The following NRXN3 variants were observed in gnomAD, a reference collection of about 807,000 sequenced individuals.
NRXN3 encodes neurexin III.
NRXN3 carries 32 observed loss-of-function variants against 137.6 expected under a neutral mutation model. The observed-to-expected ratio is 0.23, with a 90% CI of 0.18 to 0.31. The LOEUF (loss-of-function observed/expected upper bound fraction) is 0.31, where lower values mean the gene tolerates loss of function less well. Ranked by LOEUF, NRXN3 falls within the 10% of genes least tolerant of loss-of-function variation. The pLI, the probability that NRXN3 is intolerant of heterozygous loss-of-function variation, is 1.00. For synonymous variants in NRXN3, 798 were observed against 784.5 expected (o/e 1.02, Z -0.29); for missense variants, 1,574 against 2,062.5 (o/e 0.76, Z 4.59).
chr14:79,788,372 T>G (rs1009507840), intron 19 of NRXN3, among the ~76,000 whole-genome samples: 2 of 152,176 alleles, frequency 1.3e-5, no homozygotes, highest in Non-Finnish European at 2.9e-5. Context: ...ATTTCCTGAG[T>G]ACCTGCTATC....
intron 15 of NRXN3, among the ~76,000 whole-genome samples, chr14:79,141,932 C>A (rs1328163311): frequency 1.3e-5 from 2 of 152,164 alleles, no homozygotes; most frequent in African/African-American, 4.8e-5. Context: ...TCACTCTTGA[C>A]TTAATTTTCA....
chr14:78,280,449 T>C (rs1248761605), intron 3 of NRXN3, among the ~76,000 whole-genome samples: 1 of 152,140 alleles, frequency 6.6e-6, no homozygotes, highest in African/African-American at 2.4e-5. Flanking sequence ...TCTGATAAGA[T>C]GATATTTGCT....
intron 15 of NRXN3, among the ~76,000 whole-genome samples, chr14:79,223,037 C>T (rs930675087): frequency 6.6e-6 from 1 of 152,090 alleles, no homozygotes; most frequent in Non-Finnish European, 1.5e-5. Flanking sequence ...ATAACCAAAG[C>T]CTTAGTAATC....
At chr14:79,011,942 T>G (rs1421550642) in intron 15 of NRXN3, among the ~76,000 whole-genome samples, 5 of 152,220 alleles carry the variant, frequency 3.3e-5, no homozygotes, top group African/African-American at 1.2e-4. Context: ...TCAATAAAAC[T>G]GATCAGTCAT....
intron 15 of NRXN3, among the ~76,000 whole-genome samples, chr14:79,299,572 G>A (rs559759770): frequency 1.3e-5 from 2 of 152,152 alleles, no homozygotes; most frequent in East Asian, 1.9e-4. Flanking sequence ...TCAGCTTCCT[G>A]TTATGAAAAT....
At chr14:78,751,321 C>T (rs1367144480) in intron 8 of NRXN3, among the ~76,000 whole-genome samples, 1 of 152,194 alleles carries the variant, frequency 6.6e-6, no homozygotes, top group African/African-American at 2.4e-5. Context: ...ATATGTTTTA[C>T]ATGGGGATAA....
At chr14:79,828,937 T>C (rs765771061) in intron 20 of NRXN3, among the ~76,000 whole-genome samples, 6 of 152,160 alleles carry the variant, frequency 3.9e-5, no homozygotes, top group Non-Finnish European at 5.9e-5. Context: ...GGAGATACAA[T>C]GGTGGAGAGG....
At chr14:79,367,962 T>C (rs1242932758) in intron 15 of NRXN3, among the ~76,000 whole-genome samples, 3 of 152,302 alleles carry the variant, frequency 2.0e-5, no homozygotes, top group African/African-American at 7.2e-5. Context: ...GGATATACTA[T>C]AACCAAAGAT....
At chr14:78,902,498 T>A (rs2099199890) in intron 10 of NRXN3, among the ~76,000 whole-genome samples, 1 of 151,810 alleles carries the variant, frequency 6.6e-6, no homozygotes, top group South Asian at 2.1e-4. Flanking sequence ...AGTAGTAGAG[T>A]GCTTGAGGAG....
intron 14 of NRXN3, among the ~76,000 whole-genome samples, chr14:78,981,529 T>A (rs2099489438): frequency 6.6e-6 from 1 of 152,236 alleles, no homozygotes; most frequent in Non-Finnish European, 1.5e-5. Context: ...AATCAACATT[T>A]TAAAAATTAC....
At chr14:79,547,177 C>A (rs1437714328) in intron 16 of NRXN3, among the ~76,000 whole-genome samples, 1 of 152,074 alleles carries the variant, frequency 6.6e-6, no homozygotes, top group African/African-American at 2.4e-5. Flanking sequence ...AATTAAATAA[C>A]CTTTAATTTC....
chr14:79,014,685 T>C (rs2099576351), intron 15 of NRXN3, among the ~76,000 whole-genome samples: 2 of 152,156 alleles, frequency 1.3e-5, no homozygotes, highest in South Asian at 4.1e-4. Flanking sequence ...GCCACAACCA[T>C]TGGTGGGGAG....
chr14:79,785,324 G>T (rs539686943), intron 19 of NRXN3, among the ~76,000 whole-genome samples: 1 of 152,040 alleles, frequency 6.6e-6, no homozygotes, highest in Non-Finnish European at 1.5e-5. Context: ...CCTCCTCTCG[G>T]TCCTCTTTGC....
At chr14:78,546,361 C>T (rs2152137385) in intron 4 of NRXN3, among the ~76,000 whole-genome samples, 1 of 152,310 alleles carries the variant, frequency 6.6e-6, no homozygotes, top group Admixed American at 6.5e-5. Flanking sequence ...TAGCTGAGCA[C>T]TTCTGTAAAT....
chr14:79,398,949 C>T (rs1235710337), intron 15 of NRXN3, among the ~76,000 whole-genome samples: 1 of 132,824 alleles, frequency 7.5e-6, no homozygotes, highest in Non-Finnish European at 1.5e-5. Flanking sequence ...AGTGGAGTTG[C>T]AGTGAGCCAA....
chr14:78,804,805 T>C (rs967312781), intron 9 of NRXN3, among the ~76,000 whole-genome samples: 1 of 152,214 alleles, frequency 6.6e-6, no homozygotes, highest in African/African-American at 2.4e-5. Flanking sequence ...TTCTGCTGTT[T>C]CTAATCAGCA....
At chr14:79,781,540 C>A (rs1603486390) in intron 19 of NRXN3, among the ~76,000 whole-genome samples, 1 of 152,194 alleles carries the variant, frequency 6.6e-6, no homozygotes. Context: ...TTCTCTGGGC[C>A]TCAGGCTTCC....
chr14:78,218,069 G>A (rs1256842927), intron 1 of NRXN3, among the ~76,000 whole-genome samples: 1 of 152,136 alleles, frequency 6.6e-6, no homozygotes, highest in African/African-American at 2.4e-5. Flanking sequence ...ATATATGTAT[G>A]TGTATATAAT....
intron 8 of NRXN3, among the ~76,000 whole-genome samples, chr14:78,723,279 G>A (rs1007553028): frequency 1.3e-5 from 2 of 152,190 alleles, no homozygotes; most frequent in Non-Finnish European, 2.9e-5. Flanking sequence ...AGGAATGAGA[G>A]ATAAGAGCCC....
Sources: gnomAD v4.1 joint callset for allele counts (sites outside exome capture counted in the v4.1 genomes callset) on GRCh38, gnomAD v4.1.1 for gene constraint, MANE v1.5 for transcripts, NCBI Gene and HGNC (gene_info 2026-07-23, HGNC 2026-07-21) for gene names.